TSC22D1: variants seen among roughly 807,000 people sequenced by gnomAD.
The protein encoded by TSC22D1 is TSC22 domain family member 1, also known as TSC22 domain family protein 1.
A neutral mutation model predicts 74.2 loss-of-function variants in TSC22D1; 9 were observed. The observed-to-expected ratio is 0.12, with a 90% CI of 0.07 to 0.21. The LOEUF (loss-of-function observed/expected upper bound fraction) is 0.21. Ranked by LOEUF, TSC22D1 falls within the 10% of genes least tolerant of loss-of-function variation. The probability of loss-of-function intolerance (pLI) is 1.00; values close to 1 mark genes in which losing one functional copy is unlikely to be tolerated. For missense variants in TSC22D1, 1,427 were observed against 1,304.7 expected, an observed-to-expected ratio of 1.09 and a Z score of -1.44; for synonymous variants, 586 against 492.5, an observed-to-expected ratio of 1.19 and a Z score of -2.51.
chr13:44,533,225 C>T (rs1880953241), intron 1 of TSC22D1, among the ~76,000 whole-genome samples: 1 of 152,056 alleles, frequency 6.6e-6, no homozygotes, highest in Non-Finnish European at 1.5e-5. Context: ...CTTTGGGAGG[C>T]TGAGGTGGAT....
intron 1 of TSC22D1, among the ~76,000 whole-genome samples, chr13:44,517,222 C>T (rs1368971731): frequency 6.6e-6 from 1 of 152,036 alleles, no homozygotes; most frequent in African/African-American, 2.4e-5. Context: ...TGTACTACAA[C>T]CTATTTTACA....
intron 1 of TSC22D1, among the ~76,000 whole-genome samples, chr13:44,498,312 A>AAACG (rs141128409): frequency 6.6e-6 from 1 of 151,754 alleles, no homozygotes; most frequent in African/African-American, 2.4e-5. Context: ...ACAAACAAAC[A>AAACG]AACAAACAAA....
intron 1 of TSC22D1, among the ~76,000 whole-genome samples, chr13:44,529,157 T>A (rs1344717449): frequency 2.0e-5 from 3 of 152,042 alleles, no homozygotes; most frequent in Non-Finnish European, 4.4e-5. Context: ...AATCTCTCAT[T>A]AATATTGATG....
rs189273581 is a variant in TSC22D1, at chr13:44,574,125, T to C, written c.1950A>G (p.Gln650=). The C allele has an allele frequency of 3.7e-6, 6 of 1,614,252 alleles. No individual in the cohort carries two copies. The highest frequency in any genetic ancestry group is 5.1e-6 in the Non-Finnish European group (6 of 1,180,026). Residue 650 remains glutamine, a synonymous_variant, in exon 1 of 3, where the codon CAA becomes CAG. Transcript: ENST00000458659. ...MAPGHVKSVT[Q]NPASEYVQQQ... is the part of the protein sequence containing the mutation. ...GTTGTACATACTCTGAAGCAGGATTTTGAGTCACTGATTTGACATGGCCTG... is the reference window on the plus strand; with the variant it reads ...GTTGTACATACTCTGAAGCAGGATTCTGAGTCACTGATTTGACATGGCCTG...
chr13:44,489,564 GC>G (rs1878607085), intron 1 of TSC22D1, among the ~76,000 whole-genome samples: 1 of 151,674 alleles, frequency 6.6e-6, no homozygotes. Context: ...ACTGGCTCAT[GC>G]CTATAATTCC....
At chr13:44,571,059 G>T (rs1486172436) in intron 1 of TSC22D1, among the ~76,000 whole-genome samples, 1 of 152,128 alleles carries the variant, frequency 6.6e-6, no homozygotes, top group Non-Finnish European at 1.5e-5. Flanking sequence ...AAATTTTCTG[G>T]TTTTTAATCA....
chr13:44,531,920 A>G (rs1880860581), intron 1 of TSC22D1, among the ~76,000 whole-genome samples: 1 of 152,312 alleles, frequency 6.6e-6, no homozygotes, highest in South Asian at 2.1e-4. Context: ...TATTTGATAT[A>G]TGTCCTACAC....
In TSC22D1 at chr13:44,433,770, T is replaced by A. The variant is rs1242180055; in HGVS notation, c.*856A>T. 1 of 521,720 alleles carries A rather than the reference T, an allele frequency of 1.9e-6. No individual in the cohort carries two copies. Among genetic ancestry groups the A allele is most frequent in the Non-Finnish European group, 3.3e-6 (1 of 303,894 alleles). The allele number at this position is 521,720 out of a possible 1,614,324, so 32.3% of individuals were successfully genotyped here. A position where few individuals can be genotyped will look rare whatever the true frequency, so the allele number is the denominator to read the frequency against. On this transcript the variant is annotated 3_prime_UTR_variant, in exon 3 of 3. Transcript: ENST00000458659. ...TACTTCAGCGTATTCAGCAGCTAGA[T>A]TTCAGATTACACAAAGTGAGTAACT...
At chr13:44,510,424 G>A (rs147066091) in intron 1 of TSC22D1, among the ~76,000 whole-genome samples, 248 of 151,644 alleles carry the variant, frequency 1.6e-3, no homozygotes, top group Non-Finnish European at 2.7e-3. Context: ...CATACTCTTC[G>A]GCCCTGCAAT....
rs765394793 is a variant in TSC22D1, at chr13:44,480,928, CG to C, written c.2913-44834del. Among the ~76,000 whole-genome samples the C allele has an allele frequency of 2.6e-5, 4 of 152,190 alleles. No individual in the cohort carries two copies. In the East Asian group the frequency reaches 7.8e-4, roughly 30 times the overall value. On this transcript the variant is annotated intron_variant, in intron 1 of 2. Coordinates refer to ENST00000458659, the MANE Select transcript of TSC22D1 (RefSeq NM_183422.4). Reference sequence around the variant, plus strand: ...CACCCTCTTCCCCTTGTGTTATGAGCGGCTGAATTGGGTTCCACAGATAAAT... The same window carrying C: ...CACCCTCTTCCCCTTGTGTTATGAGCGCTGAATTGGGTTCCACAGATAAAT...
chr13:44,529,817 T>C (rs1566155639), intron 1 of TSC22D1, among the ~76,000 whole-genome samples: 3 of 152,208 alleles, frequency 2.0e-5, no homozygotes, highest in Admixed American at 2.0e-4. Context: ...AAACACCATT[T>C]ACATTAACAC....
At chr13:44,460,618 C>T (rs1015981638) in intron 1 of TSC22D1, among the ~76,000 whole-genome samples, 2 of 152,196 alleles carry the variant, frequency 1.3e-5, no homozygotes, top group Non-Finnish European at 2.9e-5. Context: ...GAGGCCATCT[C>T]TGCCCTCCTA....
chr13:44,510,483 A>G (rs1158236213), intron 1 of TSC22D1, among the ~76,000 whole-genome samples: 1 of 152,226 alleles, frequency 6.6e-6, no homozygotes, highest in African/African-American at 2.4e-5. Flanking sequence ...GTGTCTAAAA[A>G]GATTAATGCA....
chr13:44,573,113 G>T, intron 1 of TSC22D1, 50 bp downstream of exon 1: 2 of 1,579,416 alleles, frequency 1.3e-6, no homozygotes, highest in Non-Finnish European at 1.7e-6. Flanking sequence ...CTACTAAATA[G>T]ATTAACTTCA....
intron 1 of TSC22D1, among the ~76,000 whole-genome samples, chr13:44,499,174 G>A (rs1156987671): frequency 6.6e-6 from 1 of 152,176 alleles, no homozygotes; most frequent in Non-Finnish European, 1.5e-5. Flanking sequence ...ATATTGCCAA[G>A]TTCTCAGGCT....
chr13:44,500,323 T>C (rs1421061161), intron 1 of TSC22D1, among the ~76,000 whole-genome samples: 1 of 152,166 alleles, frequency 6.6e-6, no homozygotes, highest in African/African-American at 2.4e-5. Flanking sequence ...AAACCTCATA[T>C]ACACACTTGG....
chr13:44,434,432 C>A lies in TSC22D1; in HGVS notation c.*194G>T. 2 of 1,354,400 alleles carry A rather than the reference C, an allele frequency of 1.5e-6. No homozygotes were observed. Among genetic ancestry groups the A allele is most frequent in the Non-Finnish European group, 9.4e-7 (1 of 1,061,246 alleles). The allele number at this position is 1,354,400 out of a possible 1,614,324, so 83.9% of individuals were successfully genotyped here. A position where few individuals can be genotyped will look rare whatever the true frequency, so the allele number is the denominator to read the frequency against. ...TTCTCGGATTAACCTTTAATTCACC[C>A]AACTAAGAAATTTCTCCAAGCCATA... On this transcript the variant is annotated 3_prime_UTR_variant, in exon 3 of 3. Transcript: ENST00000458659.
At chr13:44,470,682 G>T (rs181615092) in intron 1 of TSC22D1, among the ~76,000 whole-genome samples, 91 of 152,242 alleles carry the variant, frequency 6.0e-4, no homozygotes, top group African/African-American at 2.1e-3. Context: ...CACAAAAGCC[G>T]CTGGGAGAAG....
At chr13:44,493,498 T>C (rs1187767536) in intron 1 of TSC22D1, among the ~76,000 whole-genome samples, 1 of 152,182 alleles carries the variant, frequency 6.6e-6, no homozygotes, top group African/African-American at 2.4e-5. Context: ...AAGATTACTG[T>C]TAAGGCACAC....
Sources: gnomAD v4.1 joint callset for allele counts (sites outside exome capture counted in the v4.1 genomes callset) on GRCh38, gnomAD v4.1.1 for gene constraint, MANE v1.5 for transcripts, NCBI Gene and HGNC (gene_info 2026-07-23, HGNC 2026-07-21) for gene names.